Variants in CRPPA observed in about 807,000 individuals in gnomAD.
The protein encoded by CRPPA is D-ribitol-5-phosphate cytidylyltransferase.
Under a neutral mutation model 52.0 loss-of-function variants are expected in CRPPA, and 43 were observed. The observed-to-expected ratio is 0.83, with a 90% CI of 0.65 to 1.07. The LOEUF (loss-of-function observed/expected upper bound fraction) is 1.07, where lower values mean the gene tolerates loss of function less well. Ranked by LOEUF, CRPPA falls within the 50% of genes least tolerant of loss-of-function variation. The probability of loss-of-function intolerance (pLI) is 0.00; values close to 1 mark genes in which losing one functional copy is unlikely to be tolerated. For missense variants in CRPPA, 629 were observed against 551.7 expected (o/e 1.14, Z -1.40); for synonymous variants, 250 against 203.5 (o/e 1.23, Z -1.94).
At chr7:16,142,973 C>T (rs936638990) in intron 9 of CRPPA, among the ~76,000 whole-genome samples, 1 of 152,112 alleles carries the variant, frequency 6.6e-6, no homozygotes, top group African/African-American at 2.4e-5. Flanking sequence ...AGACTTGTAA[C>T]TAGGTAGGGT....
intron 8 of CRPPA, among the ~76,000 whole-genome samples, chr7:16,236,798 C>T (rs1782963045): frequency 6.6e-6 from 1 of 151,988 alleles, no homozygotes; most frequent in South Asian, 2.1e-4. Context: ...ACCATACAGA[C>T]ACTATAGAAG....
In CRPPA at chr7:16,421,279, C is replaced by A. The variant is rs573488291; in HGVS notation, c.44G>T (p.Gly15Val). 125 of 1,280,118 alleles carry A rather than the reference C, an allele frequency of 9.8e-5. No homozygotes were observed. The South Asian group carries it at 3.3e-3, about 34-fold the overall frequency. The allele number at this position is 1,280,118 out of a possible 1,614,324, so 79.3% of individuals were successfully genotyped here. ...GCCGCGCTGACCACTCAGGCAAGGA[C>A]CCGGCTCCGCCGGCCTGGCGCTGCC... is the stretch of plus-strand genomic sequence containing the variant. ...PPGSARPAEP[G>V]PCLSGQRGAD... is the part of the protein sequence containing the mutation. Residue 15 changes from glycine to valine, a missense_variant, in exon 1 of 10, where the codon GGT (glycine) becomes GTT (valine). Physicochemically the swap from Gly to Val is moderately radical, Grantham distance 109. Transcript: ENST00000407010.
At chr7:16,305,720 G>C (rs1266539720) in intron 4 of CRPPA, among the ~76,000 whole-genome samples, 1 of 152,082 alleles carries the variant, frequency 6.6e-6, no homozygotes, top group Admixed American at 6.5e-5. Flanking sequence ...ACAAAAATTA[G>C]CTGAGTGTGG....
chr7:16,190,792 G>T (rs546638924), intron 9 of CRPPA, among the ~76,000 whole-genome samples: 2 of 151,896 alleles, frequency 1.3e-5, no homozygotes, highest in Non-Finnish European at 2.9e-5. Context: ...CCAAGTCCCC[G>T]AAATCCATTG....
chr7:16,116,486 G>A (rs1420194828), intron 9 of CRPPA, among the ~76,000 whole-genome samples: 3 of 151,934 alleles, frequency 2.0e-5, no homozygotes, highest in Non-Finnish European at 2.9e-5. Context: ...CCAACATGGC[G>A]AAACCCCATC....
chr7:16,413,975 T>A (rs757549606), intron 1 of CRPPA, among the ~76,000 whole-genome samples: 1 of 152,104 alleles, frequency 6.6e-6, no homozygotes, highest in Non-Finnish European at 1.5e-5. Context: ...TCAGTGCCAA[T>A]AGATTAACAT....
At chr7:16,300,829 A>G (rs1784776858) in intron 5 of CRPPA, among the ~76,000 whole-genome samples, 1 of 152,250 alleles carries the variant, frequency 6.6e-6, no homozygotes, top group African/African-American at 2.4e-5. Context: ...GTTAAGCAAA[A>G]TAACAAATGC....
intron 2 of CRPPA, among the ~76,000 whole-genome samples, chr7:16,395,478 C>T (rs547164378): frequency 3.2e-4 from 49 of 152,254 alleles, no homozygotes; most frequent in African/African-American, 9.9e-4. Context: ...GTTTGCAGAA[C>T]GGCATCTCTA....
chr7:16,417,798 A>T (rs1337931280), intron 1 of CRPPA, among the ~76,000 whole-genome samples: 2 of 147,852 alleles, frequency 1.4e-5, no homozygotes, highest in East Asian at 2.0e-4. Context: ...TTGAAGTTAT[A>T]AAAAAAAAAA....
At chr7:16,261,296 A>T (rs1033171729) in intron 6 of CRPPA, among the ~76,000 whole-genome samples, 3 of 152,116 alleles carry the variant, frequency 2.0e-5, no homozygotes, top group African/African-American at 7.2e-5. Context: ...CAGGATAAAG[A>T]CACTGCACTC....
At chr7:16,200,570 A>C (rs533631296) in intron 9 of CRPPA, among the ~76,000 whole-genome samples, 3 of 152,194 alleles carry the variant, frequency 2.0e-5, no homozygotes, top group Non-Finnish European at 4.4e-5. Context: ...GTTGCTGCCT[A>C]ATTTGATTTT....
At chr7:16,386,250 C>T (rs1031717838) in intron 2 of CRPPA, among the ~76,000 whole-genome samples, 3 of 152,182 alleles carry the variant, frequency 2.0e-5, no homozygotes, top group African/African-American at 7.2e-5. Flanking sequence ...CTCCTCTCAA[C>T]GTTCAGATGC....
At chr7:16,229,854 C>T (rs1782744810) in intron 8 of CRPPA, among the ~76,000 whole-genome samples, 1 of 151,960 alleles carries the variant, frequency 6.6e-6, no homozygotes, top group Non-Finnish European at 1.5e-5. Flanking sequence ...TTTTGTTTGT[C>T]CAGGAAAGTA....
rs887563021 is a variant in CRPPA, at chr7:16,090,388, G to C, written c.*1307C>G. On this transcript the variant is annotated 3_prime_UTR_variant, in exon 10 of 10. Coordinates refer to ENST00000407010, the MANE Select transcript of CRPPA (RefSeq NM_001101426.4). ...TTTATAGTTTCCACGTGCAGCCTAAGCCCTAATCTGTTTCAATAAAATAAA... is the reference window on the plus strand; with the variant it reads ...TTTATAGTTTCCACGTGCAGCCTAACCCCTAATCTGTTTCAATAAAATAAA... The C allele has an allele frequency of 1.3e-5, 2 of 151,800 alleles. No individual in the cohort carries two copies. Among genetic ancestry groups the C allele is most frequent in the Non-Finnish European group, 2.9e-5 (2 of 67,968 alleles). 9.4% of individuals were successfully genotyped at this position (151,800 alleles called of 1,614,324 possible).
chr7:16,254,416 T>C (rs1295158), intron 8 of CRPPA, among the ~76,000 whole-genome samples: 75,826 of 151,444 alleles, frequency 0.5, 19,081 homozygotes, highest in Admixed American at 0.56. Context: ...CCATAAAAAA[T>C]GATGAGTTCA....
At chr7:16,097,987 C>A (rs983575188) in intron 9 of CRPPA, among the ~76,000 whole-genome samples, 1 of 152,092 alleles carries the variant, frequency 6.6e-6, no homozygotes, top group African/African-American at 2.4e-5. Context: ...AGGATAACTT[C>A]GGGAGAAACT....
At chr7:16,132,435 G>C (rs770513051) in intron 9 of CRPPA, among the ~76,000 whole-genome samples, 1 of 124,562 alleles carries the variant, frequency 8.0e-6, no homozygotes, top group African/African-American at 2.6e-5. Context: ...GAATTCTCTC[G>C]TTGAAAGAGA....
chr7:16,314,207 A>G (rs1233100083), intron 3 of CRPPA, among the ~76,000 whole-genome samples: 1 of 151,718 alleles, frequency 6.6e-6, no homozygotes, highest in African/African-American at 2.4e-5. Flanking sequence ...CACATTAAGC[A>G]CTGTTTTATA....
intron 9 of CRPPA, among the ~76,000 whole-genome samples, chr7:16,213,396 CT>C (rs2128397188): frequency 7.6e-6 from 1 of 132,378 alleles, no homozygotes; most frequent in South Asian, 3.1e-4. Flanking sequence ...GTTCCATATC[CT>C]GTTTTGGGGA....
Sources: allele counts gnomAD v4.1 joint callset (sites outside exome capture counted in the v4.1 genomes callset), GRCh38; gene constraint gnomAD v4.1.1; transcripts MANE v1.5; gene names NCBI Gene and HGNC (gene_info 2026-07-23, HGNC 2026-07-21).